FRMD4A: variants seen among roughly 807,000 people sequenced by gnomAD.
FRMD4A encodes FERM domain-containing protein 4A.
FRMD4A carries 29 observed loss-of-function variants against 129.1 expected under a neutral mutation model. The ratio of observed to expected loss-of-function variants is 0.22; its 90% CI spans 0.17 to 0.31. The LOEUF is 0.31. Among genes scored for constraint, FRMD4A ranks in the 10% least tolerant of loss-of-function variants. FRMD4A has a pLI of 1.00. For synonymous variants in FRMD4A, 634 were observed against 571.6 expected (o/e 1.11, Z -1.56); for missense variants, 1,272 against 1,375.8 (o/e 0.92, Z 1.19).
chr10:13,943,646 CAAAAAAAAAAAAAAAAAAAAAAA>C, intron 2 of FRMD4A, among the ~76,000 whole-genome samples: 1 of 58,266 alleles, frequency 1.7e-5, no homozygotes, highest in South Asian at 1.1e-3. Flanking sequence ...GACTCTGTCT[CAAAAAAAAAAAAAAAAAAAAAAA>C]AAAAAAAAAA....
At chr10:14,305,971 T>A (rs1365927350) in intron 2 of FRMD4A, among the ~76,000 whole-genome samples, 2 of 152,102 alleles carry the variant, frequency 1.3e-5, no homozygotes, top group South Asian at 2.1e-4. Flanking sequence ...GGGACCTATT[T>A]GGCGGATGGG....
intron 2 of FRMD4A, among the ~76,000 whole-genome samples, chr10:14,250,197 G>A (rs372418480): frequency 2.6e-5 from 4 of 152,140 alleles, no homozygotes; most frequent in African/African-American, 7.2e-5. Flanking sequence ...CTGACCTCAG[G>A]TGCTCTGCCT....
At chr10:13,951,922 AT>A (rs2095373895) in intron 2 of FRMD4A, among the ~76,000 whole-genome samples, 5 of 147,568 alleles carry the variant, frequency 3.4e-5, no homozygotes, top group Admixed American at 1.4e-4. Context: ...AATAATAATA[AT>A]AATAATAAAC....
At chr10:13,867,708 A>G in intron 2 of FRMD4A, among the ~76,000 whole-genome samples, 1 of 3,812 alleles carries the variant, frequency 2.6e-4, no homozygotes, top group Non-Finnish European at 1.6e-3. Flanking sequence ...TATATAATAA[A>G]TAACATATAA....
intron 2 of FRMD4A, among the ~76,000 whole-genome samples, chr10:14,255,504 T>G (rs1472524408): frequency 1.3e-5 from 2 of 152,188 alleles, no homozygotes; most frequent in Non-Finnish European, 2.9e-5. Flanking sequence ...TTGTACATTT[T>G]AATGCACCAC....
At position 14,187,309 on chromosome 10, in the gene FRMD4A, C is replaced by A. The variant is rs150074793; in HGVS notation, c.45+142749G>T. On this transcript the variant is annotated intron_variant, in intron 2 of 24. Coordinates refer to ENST00000357447, the MANE Select transcript of FRMD4A (RefSeq NM_018027.5). Reference sequence around the variant, plus strand: ...ATATTACAGTCAAATTGTGTATCAACTAGTCCATCATTTCACAGATAAGTA... The same window carrying A: ...ATATTACAGTCAAATTGTGTATCAAATAGTCCATCATTTCACAGATAAGTA... Among the ~76,000 whole-genome samples the A allele has an allele frequency of 5.0e-3, 769 of 152,318 alleles. 4 individuals carry two copies. Among genetic ancestry groups the A allele is most frequent in the African/African-American group, 0.017 (722 of 41,564 alleles).
intron 22 of FRMD4A, 55 bp downstream of exon 22, chr10:13,656,581 C>T (rs1253404160): frequency 1.1e-5 from 15 of 1,336,688 alleles, no homozygotes; most frequent in East Asian, 2.9e-5. Flanking sequence ...CCCTTGACAC[C>T]GGCAAGCAGT....
chr10:14,294,935 T>A (rs955636977), intron 2 of FRMD4A, among the ~76,000 whole-genome samples: 1 of 152,198 alleles, frequency 6.6e-6, no homozygotes, highest in Middle Eastern at 3.2e-3. Context: ...CGGCAATCTA[T>A]CCTGGTATCA....
intron 12 of FRMD4A, chr10:13,727,980 T>A (rs1451208229): frequency 6.6e-6 from 1 of 152,200 alleles, no homozygotes; most frequent in African/African-American, 2.4e-5. Flanking sequence ...TGCAGGGACA[T>A]AGTCTCTCTT....
chr10:13,977,376 C>T (rs756698598), intron 2 of FRMD4A, among the ~76,000 whole-genome samples: 6 of 152,120 alleles, frequency 3.9e-5, no homozygotes, highest in Non-Finnish European at 8.8e-5. Context: ...CACTGAATGC[C>T]GTTAAGCAAT....
At chr10:13,838,698 G>A (rs917292242) in intron 3 of FRMD4A, among the ~76,000 whole-genome samples, 4 of 152,070 alleles carry the variant, frequency 2.6e-5, no homozygotes, top group African/African-American at 7.2e-5. Flanking sequence ...TCACCATGTT[G>A]GCCAGGCTAG....
intron 2 of FRMD4A, among the ~76,000 whole-genome samples, chr10:14,120,382 A>G (rs899235624): frequency 6.6e-6 from 1 of 151,842 alleles, no homozygotes; most frequent in Non-Finnish European, 1.5e-5. Context: ...ACCCTCTCCC[A>G]TACTCCCAGA....
chr10:13,857,234 G>A (rs1388947683), intron 3 of FRMD4A, among the ~76,000 whole-genome samples: 1 of 151,932 alleles, frequency 6.6e-6, no homozygotes, highest in East Asian at 1.9e-4. Context: ...ACTCAAATGG[G>A]GAAATGATTA....
chr10:13,880,762 G>C (rs2094537612), intron 2 of FRMD4A, among the ~76,000 whole-genome samples: 1 of 151,732 alleles, frequency 6.6e-6, no homozygotes, highest in Non-Finnish European at 1.5e-5. Context: ...TTCAGTCTTT[G>C]CTCAATGATC....
At chr10:13,785,228 T>C (rs1055454698) in intron 5 of FRMD4A, among the ~76,000 whole-genome samples, 3 of 152,202 alleles carry the variant, frequency 2.0e-5, no homozygotes, top group African/African-American at 7.2e-5. Context: ...GGTGAGTGAA[T>C]TTGGAGTAAC....
At chr10:13,760,486 T>C (rs1483342057) in intron 8 of FRMD4A, among the ~76,000 whole-genome samples, 3 of 151,940 alleles carry the variant, frequency 2.0e-5, no homozygotes, top group African/African-American at 4.8e-5. Flanking sequence ...ACCACTGCAC[T>C]CCAGCCTGGG....
chr10:14,321,707 C>T (rs566098791), intron 2 of FRMD4A, among the ~76,000 whole-genome samples: 1 of 152,240 alleles, frequency 6.6e-6, no homozygotes, highest in South Asian at 2.1e-4. Flanking sequence ...AGAAGACAGG[C>T]AACAGTGATA....
At chr10:14,081,130 G>T (rs932513035) in intron 2 of FRMD4A, among the ~76,000 whole-genome samples, 4 of 151,966 alleles carry the variant, frequency 2.6e-5, no homozygotes, top group Non-Finnish European at 4.4e-5. Context: ...TATCAATTTG[G>T]TAGAGTTTAA....
chr10:13,773,838 C>A (rs758313888), intron 6 of FRMD4A, among the ~76,000 whole-genome samples: 14 of 152,184 alleles, frequency 9.2e-5, no homozygotes, highest in Non-Finnish European at 7.3e-5. Flanking sequence ...CTGCCTCCTG[C>A]AGGGGCTGAT....
Sources: allele counts gnomAD v4.1 joint callset (sites outside exome capture counted in the v4.1 genomes callset), GRCh38; gene constraint gnomAD v4.1.1; transcripts MANE v1.5; gene names NCBI Gene and HGNC (gene_info 2026-07-23, HGNC 2026-07-21).